RELN: variants seen among roughly 807,000 people sequenced by gnomAD.
RELN encodes the protein reelin.
Under a neutral mutation model 427.6 loss-of-function variants are expected in RELN, and 108 were observed. That is an observed-to-expected ratio of 0.25 (90% CI 0.22 to 0.30). The LOEUF (loss-of-function observed/expected upper bound fraction) is 0.30. RELN is among the 10% of genes least tolerant of loss of function. RELN has a pLI of 1.00. For synonymous variants in RELN, 1,524 were observed against 1,513.4 expected (o/e 1.01, Z -0.16); for missense variants, 3,715 against 4,302.8 (o/e 0.86, Z 3.82).
Position 103,515,235 on chromosome 7 carries a change from C to G in RELN, c.8069G>C (p.Gly2690Ala). 6.2e-7 allele frequency: 1 copy of G among 1,614,200 alleles called. No individual in the cohort carries two copies. Among genetic ancestry groups the G allele is most frequent in the Non-Finnish European group, 8.5e-7 (1 of 1,180,030 alleles). The change falls in exon 50 of 65, where the codon GGC (glycine) becomes GCC (alanine). Residue 2690 changes from glycine (G) to alanine (A), a missense_variant. Gly to Ala is a moderately conservative substitution (Grantham distance 60). This residue lies in a region of RELN where 1,310 missense variants were observed against 1,643.0 expected (regional missense o/e 0.80). Coordinates refer to ENST00000428762, the MANE Select transcript of RELN (RefSeq NM_005045.4). ...GTCAAAGGCGATCCTCCCGACAGGG[C>G]CGGCATCTGCAGGGGAGCGCTCATG... is the stretch of plus-strand genomic sequence containing the variant. ...PQHERSPADAGPVGRIAFDMF... is the reference protein window; with the variant it reads ...PQHERSPADAAPVGRIAFDMF...
At chr7:103,947,962 T>C (rs1403097621) in intron 1 of RELN, among the ~76,000 whole-genome samples, 1 of 152,182 alleles carries the variant, frequency 6.6e-6, no homozygotes, top group Non-Finnish European at 1.5e-5. Flanking sequence ...AGCTAATTTC[T>C]GTCTACACAG....
At chr7:103,561,457 A>C in intron 36 of RELN, 75 bp downstream of exon 36, 1 of 1,126,360 alleles carries the variant, frequency 8.9e-7, no homozygotes, top group African/African-American at 1.5e-5. Flanking sequence ...TCAGAAATCC[A>C]TTTGTGTTGA....
At chr7:103,553,886 C>G in intron 38 of RELN, 55 bp from the exon 39 acceptor site, 1 of 1,465,296 alleles carries the variant, frequency 6.8e-7, no homozygotes, top group Admixed American at 1.7e-5. Context: ...CAAATGAACA[C>G]TTTTGCTCAT....
intron 41 of RELN, 98 bp downstream of exon 41, chr7:103,550,969 G>A (rs2117152694): frequency 1.0e-6 from 1 of 965,246 alleles, no homozygotes; most frequent in East Asian, 2.6e-5. Context: ...GAAACGTCAG[G>A]TGGAAATTTC....
At position 103,574,246 on chromosome 7, in the gene RELN, T is replaced by C. The variant is rs1448126994; in HGVS notation, c.4357A>G (p.Arg1453Gly). 3.7e-6 allele frequency: 6 copies of C among 1,614,164 alleles called. No homozygotes were observed. Among genetic ancestry groups the C allele is most frequent in the Non-Finnish European group, 5.1e-6 (6 of 1,180,026 alleles). Residue 1453 changes from arginine to glycine, a missense_variant, in exon 30 of 65, where the codon AGG becomes GGG. This residue lies in a region of RELN where 2,208 missense variants were observed against 2,361.7 expected (regional missense o/e 0.93). Coordinates refer to ENST00000428762, the MANE Select transcript of RELN (RefSeq NM_005045.4). The part of the protein sequence containing the change: ...NVPNHNEMFD[R>G]FEGKLSPLWY... Reference sequence around the variant, plus strand: ...AGAGGGCTGAGCTTCCCCTCAAACCTATCGAACATCTCATTGTGATTGGGG... The same window carrying C: ...AGAGGGCTGAGCTTCCCCTCAAACCCATCGAACATCTCATTGTGATTGGGG...
chr7:103,880,525 A>T (rs1274993157), intron 2 of RELN, among the ~76,000 whole-genome samples: 1 of 152,128 alleles, frequency 6.6e-6, no homozygotes, highest in African/African-American at 2.4e-5. Context: ...CATCATCATT[A>T]TCGCTGTGTA....
At chr7:103,852,151 A>C (rs565362158) in intron 2 of RELN, among the ~76,000 whole-genome samples, 24 of 152,280 alleles carry the variant, frequency 1.6e-4, no homozygotes, top group Non-Finnish European at 2.8e-4. Flanking sequence ...CTAAATTATA[A>C]GTTTCTTGGG....
intron 3 of RELN, among the ~76,000 whole-genome samples, chr7:103,825,513 T>C (rs965472503): frequency 6.6e-6 from 1 of 152,166 alleles, no homozygotes; most frequent in Non-Finnish European, 1.5e-5. Context: ...TTAGAAGTTA[T>C]GATGGTTCAA....
chr7:103,783,657 C>T (rs558465551), intron 3 of RELN, among the ~76,000 whole-genome samples: 1 of 152,236 alleles, frequency 6.6e-6, no homozygotes, highest in South Asian at 2.1e-4. Flanking sequence ...GATGGTTTAA[C>T]CTTGATTTGT....
chr7:103,842,818 A>T lies in RELN; in HGVS notation c.338-9146T>A, dbSNP rs112347070. Among the ~76,000 whole-genome samples, 252 of 152,294 alleles carry T rather than the reference A, an allele frequency of 1.7e-3. 1 individual carries two copies. The highest frequency in any genetic ancestry group is 5.9e-3 in the African/African-American group (244 of 41,566). On this transcript the variant is annotated intron_variant, in intron 2 of 64. Transcript: ENST00000428762. ...TTCCACACCTCTAGTTAGTTCTATA[A>T]ATAGAGCCAATTCTAAGTCAACTTG...
At chr7:103,951,794 T>C (rs992757595) in intron 1 of RELN, among the ~76,000 whole-genome samples, 1 of 152,248 alleles carries the variant, frequency 6.6e-6, no homozygotes, top group Admixed American at 6.5e-5. Context: ...TGCCTCAGCC[T>C]CCCAAGTAGT....
At chr7:103,970,050 A>ACCAT (rs776544250) in intron 1 of RELN, among the ~76,000 whole-genome samples, 19 of 152,256 alleles carry the variant, frequency 1.2e-4, no homozygotes, top group Non-Finnish European at 2.5e-4. Flanking sequence ...AATCTGAGTC[A>ACCAT]CCGGATACTC....
chr7:103,515,633 G>A (rs548620846), intron 49 of RELN, among the ~76,000 whole-genome samples, 192 bp from the exon 50 acceptor site: 110 of 152,266 alleles, frequency 7.2e-4, no homozygotes, highest in Non-Finnish European at 1.2e-3. Flanking sequence ...TCACTAAATT[G>A]GGGGAAATAG....
At position 103,573,308 on chromosome 7, in the gene RELN, C is replaced by A. The variant is rs1052662217; in HGVS notation, c.4511+784G>T. Among the ~76,000 whole-genome samples the A allele has an allele frequency of 4.6e-5, 7 of 152,162 alleles. No homozygotes were observed. The highest frequency in any genetic ancestry group is 1.5e-5 in the Non-Finnish European group (1 of 68,022). On this transcript the variant is annotated intron_variant, in intron 30 of 64. Transcript: ENST00000428762. This position sits in a 1 kb window ranked among gnomAD's most constrained non-coding sequence, Gnocchi z 4.4. ...TGTTTAGAGTCAGATAATTACCTGT[C>A]AGTTGCTGATTTAGACTCACTTGGC...
At chr7:103,703,684 A>G (rs965529915) in intron 8 of RELN, among the ~76,000 whole-genome samples, 1 of 152,216 alleles carries the variant, frequency 6.6e-6, no homozygotes, top group African/African-American at 2.4e-5. Context: ...GCAAAATATC[A>G]TCTTACTTGC....
intron 3 of RELN, among the ~76,000 whole-genome samples, chr7:103,783,865 T>A (rs1375810708): frequency 1.3e-5 from 2 of 152,204 alleles, no homozygotes; most frequent in Non-Finnish European, 2.9e-5. Flanking sequence ...CAGCCACATG[T>A]AGTATGAACT....
chr7:103,926,692 T>G lies in RELN; in HGVS notation c.227-9507A>C, dbSNP rs1371572510. The stretch of plus-strand genomic sequence containing the variant: ...CGGAGTCTCCCTCTGTCGCCCAGGC[T>G]AGAGGGCAGTGGCCTGATCTCAGCT... On this transcript the variant is annotated intron_variant, in intron 1 of 64. Transcript: ENST00000428762. Among the ~76,000 whole-genome samples, 5 of 142,264 alleles carry G rather than the reference T, an allele frequency of 3.5e-5. No individual in the cohort carries two copies. The East Asian group carries it at 1.1e-3, about 30-fold the overall frequency. The allele number at this position is 142,264 out of a possible 152,430, so 93.3% of individuals were successfully genotyped here.
At chr7:103,580,111 C>A (rs1478999310) in intron 28 of RELN, among the ~76,000 whole-genome samples, 1 of 152,204 alleles carries the variant, frequency 6.6e-6, no homozygotes, top group Non-Finnish European at 1.5e-5. Context: ...TCAGCTTAGA[C>A]CTATTTCTGA....
chr7:103,814,773 G>A (rs1285466515), intron 3 of RELN, among the ~76,000 whole-genome samples: 1 of 152,092 alleles, frequency 6.6e-6, no homozygotes, highest in African/African-American at 2.4e-5. Flanking sequence ...CTGTGACAGA[G>A]CTCACCCCTC....
Sources: allele counts gnomAD v4.1 joint callset (sites outside exome capture counted in the v4.1 genomes callset), GRCh38; gene constraint gnomAD v4.1.1; regional missense constraint gnomAD v4.1.1; non-coding constraint Gnocchi (gnomAD v3.1); transcripts MANE v1.5; gene names NCBI Gene and HGNC (gene_info 2026-07-23, HGNC 2026-07-21).